Variants in MDGA2 observed in about 807,000 individuals in gnomAD.
MDGA2 encodes MAM domain-containing glycosylphosphatidylinositol anchor protein 2.
A neutral mutation model predicts 117.8 loss-of-function variants in MDGA2; 40 were observed. That is an observed-to-expected ratio of 0.34 (90% CI 0.26 to 0.44). The LOEUF is 0.44. MDGA2 is among the 20% of genes least tolerant of loss of function. The pLI, the probability that MDGA2 is intolerant of heterozygous loss-of-function variation, is 1.00. For missense variants in MDGA2, 1,123 were observed against 1,250.6 expected, an observed-to-expected ratio of 0.90 and a Z score of 1.54; for synonymous variants, 452 against 439.0, an observed-to-expected ratio of 1.03 and a Z score of -0.37.
At chr14:47,507,188 T>C (rs1019904800) in intron 1 of MDGA2, among the ~76,000 whole-genome samples, 6 of 152,058 alleles carry the variant, frequency 3.9e-5, no homozygotes, top group East Asian at 1.9e-4. Flanking sequence ...TTGCAGAGAA[T>C]GTAGAATCAT....
intron 2 of MDGA2, among the ~76,000 whole-genome samples, chr14:47,234,179 T>C (rs1886783287): frequency 6.6e-6 from 1 of 151,314 alleles, no homozygotes; most frequent in South Asian, 2.1e-4. Flanking sequence ...ATAATATATG[T>C]GTGTGCATAT....
chr14:46,901,901 G>T (rs1297047522), intron 10 of MDGA2, among the ~76,000 whole-genome samples: 2 of 152,152 alleles, frequency 1.3e-5, no homozygotes, highest in Non-Finnish European at 1.5e-5. Context: ...CTTGTGTGGA[G>T]ATCTTAATTA....
At position 47,084,683 on chromosome 14, in the gene MDGA2, TA is replaced by T. The variant is rs993130917; in HGVS notation, c.1195+12170del. ...AGAAGGAATTAGGATTAGACAAAGT[TA>T]TCAGAGTGGAGACCTCATGAGTGGG... On this transcript the variant is annotated intron_variant, in intron 6 of 16. Coordinates refer to ENST00000399232, the MANE Select transcript of MDGA2 (RefSeq NM_001113498.3). Among the ~76,000 whole-genome samples the T allele has an allele frequency of 5.3e-5, 8 of 152,112 alleles. 1 individual carries two copies. Among genetic ancestry groups the T allele is most frequent in the African/African-American group, 1.9e-4 (8 of 41,428 alleles).
chr14:46,845,480 A>G (rs1168432126), intron 16 of MDGA2, among the ~76,000 whole-genome samples: 2 of 152,222 alleles, frequency 1.3e-5, no homozygotes, highest in Non-Finnish European at 2.9e-5. Flanking sequence ...TCTAAAACAA[A>G]TAATATCAAA....
At chr14:47,450,483 T>G (rs1893218853) in intron 1 of MDGA2, among the ~76,000 whole-genome samples, 1 of 152,080 alleles carries the variant, frequency 6.6e-6, no homozygotes, top group Non-Finnish European at 1.5e-5. Context: ...ATGACATCAT[T>G]AACATTATTA....
At chr14:46,917,722 G>A (rs985616448) in intron 10 of MDGA2, among the ~76,000 whole-genome samples, 1 of 152,246 alleles carries the variant, frequency 6.6e-6, no homozygotes, top group African/African-American at 2.4e-5. Context: ...GTATCAGGGA[G>A]TTATACACCA....
intron 3 of MDGA2, among the ~76,000 whole-genome samples, chr14:47,172,685 C>A (rs190320206): frequency 5.3e-5 from 8 of 151,580 alleles, no homozygotes; most frequent in Non-Finnish European, 1.2e-4. Context: ...TAGATAAAAC[C>A]ACAAAGATGG....
chr14:47,291,709 G>T (rs918737624), intron 2 of MDGA2, among the ~76,000 whole-genome samples: 2 of 152,228 alleles, frequency 1.3e-5, no homozygotes, highest in African/African-American at 4.8e-5. Flanking sequence ...AGGGAATATC[G>T]TACTGCACAT....
chr14:47,191,432 A>G (rs988360684), intron 3 of MDGA2, among the ~76,000 whole-genome samples: 6 of 149,246 alleles, frequency 4.0e-5, no homozygotes, highest in Non-Finnish European at 8.9e-5. Flanking sequence ...ATATATATAT[A>G]TATATGAAAA....
chr14:47,627,783 T>TTGC (rs1423859772), intron 1 of MDGA2, among the ~76,000 whole-genome samples: 1 of 152,118 alleles, frequency 6.6e-6, no homozygotes, highest in Non-Finnish European at 1.5e-5. Flanking sequence ...GCAATAAATC[T>TTGC]TGCTGCTGCT....
chr14:47,578,066 C>A (rs1424172904), intron 1 of MDGA2, among the ~76,000 whole-genome samples: 2 of 152,174 alleles, frequency 1.3e-5, no homozygotes, highest in Admixed American at 6.5e-5. Flanking sequence ...AGTATATATA[C>A]ACCATGGAAT....
intron 5 of MDGA2, among the ~76,000 whole-genome samples, chr14:47,126,912 T>C (rs570047951): frequency 6.6e-6 from 1 of 152,234 alleles, no homozygotes; most frequent in South Asian, 2.1e-4. Context: ...CATTTGGGCA[T>C]TGTGCAAATC....
chr14:47,536,261 G>T (rs1252697323), intron 1 of MDGA2, among the ~76,000 whole-genome samples: 1 of 152,144 alleles, frequency 6.6e-6, no homozygotes, highest in Non-Finnish European at 1.5e-5. Flanking sequence ...AATGAAATAT[G>T]TACAAATGAA....
At chr14:47,309,122 A>T (rs1889553605) in intron 1 of MDGA2, among the ~76,000 whole-genome samples, 1 of 152,194 alleles carries the variant, frequency 6.6e-6, no homozygotes. Context: ...ATTTCTTCAA[A>T]AAATGGTTAA....
In MDGA2 at chr14:47,661,131, G is replaced by A. The variant is rs555384846; in HGVS notation, c.280+13386C>T. On this transcript the variant is annotated intron_variant, in intron 1 of 16. Coordinates refer to ENST00000399232, the MANE Select transcript of MDGA2 (RefSeq NM_001113498.3). Reference sequence around the variant, plus strand: ...ACAATGTAAGCTACCTAACTTTTATGATTTAATTAGAATAAGTATAAGCAC... The same window carrying A: ...ACAATGTAAGCTACCTAACTTTTATAATTTAATTAGAATAAGTATAAGCAC... 3.3e-5 allele frequency among the ~76,000 whole-genome samples: 5 copies of A among 152,112 alleles called. No homozygotes were observed. In the East Asian group the frequency reaches 9.6e-4, roughly 29 times the overall value.
intron 2 of MDGA2, among the ~76,000 whole-genome samples, chr14:47,226,800 A>T (rs1886519383): frequency 6.6e-6 from 1 of 152,102 alleles, no homozygotes; most frequent in Non-Finnish European, 1.5e-5. Context: ...CCATCCTCTG[A>T]TTTTAATGCC....
intron 1 of MDGA2, among the ~76,000 whole-genome samples, chr14:47,562,933 C>T (rs962903146): frequency 1.3e-5 from 2 of 151,966 alleles, no homozygotes; most frequent in Non-Finnish European, 2.9e-5. Flanking sequence ...TGTATCTTAT[C>T]GTTGTTCTCA....
intron 2 of MDGA2, among the ~76,000 whole-genome samples, chr14:47,228,416 A>T (rs181858877): frequency 2.6e-5 from 4 of 152,148 alleles, no homozygotes; most frequent in African/African-American, 7.2e-5. Flanking sequence ...AACAATACAC[A>T]TTCAGTAGAA....
intron 1 of MDGA2, among the ~76,000 whole-genome samples, chr14:47,470,133 TG>T (rs1229800920): frequency 2.0e-5 from 3 of 150,610 alleles, no homozygotes; most frequent in African/African-American, 7.3e-5. Context: ...TTTTTTTTGA[TG>T]CTTTCAATTC....
Sources: gnomAD v4.1 joint callset for allele counts (sites outside exome capture counted in the v4.1 genomes callset) on GRCh38, gnomAD v4.1.1 for gene constraint, MANE v1.5 for transcripts, NCBI Gene and HGNC (gene_info 2026-07-23, HGNC 2026-07-21) for gene names.